The following XPA variants were observed in gnomAD, a reference collection of about 807,000 sequenced individuals.
The protein encoded by XPA is XPA, DNA damage recognition and repair factor.
A neutral mutation model predicts 35.7 loss-of-function variants in XPA; 27 were observed. That is an observed-to-expected ratio of 0.76 (90% CI 0.56 to 1.04). The LOEUF (loss-of-function observed/expected upper bound fraction) is 1.04, where lower values mean the gene tolerates loss of function less well. Ranked by LOEUF, XPA falls within the 50% of genes least tolerant of loss-of-function variation. The pLI is 0.00. For synonymous variants in XPA, 133 were observed against 118.4 expected (o/e 1.12, Z -0.80); for missense variants, 354 against 342.7 (o/e 1.03, Z -0.26).
At chr9:97,689,253 AAAAAAC>A (rs1391176908) in intron 3 of XPA, among the ~76,000 whole-genome samples, 4 of 151,912 alleles carry the variant, frequency 2.6e-5, no homozygotes, top group African/African-American at 9.7e-5. Context: ...GAGAGACGTT[AAAAAAC>A]AAAAACAAAA....
chr9:97,686,989 GA>G, intron 4 of XPA, 106 bp downstream of exon 4: 1 of 1,137,458 alleles, frequency 8.8e-7, no homozygotes, highest in African/African-American at 1.6e-5. Context: ...CAAAACTAGG[GA>G]AAAGAGTTTT....
intron 2 of XPA, among the ~76,000 whole-genome samples, chr9:97,690,304 G>T (rs1423676918): frequency 3.3e-5 from 5 of 152,178 alleles, no homozygotes; most frequent in Non-Finnish European, 7.3e-5. Flanking sequence ...TCCACCTCTC[G>T]GGTTCAAGCG....
chr9:97,656,117 CTT>C, the XPA span: 1 of 1,531,156 alleles, frequency 6.5e-7, no homozygotes, highest in East Asian at 2.3e-5. Context: ...CTTTTAACTT[CTT>C]TGGGAGGATT....
chr9:97,662,291 G>A, the XPA span: 29,467 of 601,650 alleles, frequency 0.049, 4,240 homozygotes, highest in African/African-American at 0.36. Context: ...TGTGGTAGCT[G>A]AAATCCATAT....
At chr9:97,655,925 G>T in the XPA span, 1 of 1,390,026 alleles carries the variant, frequency 7.2e-7, no homozygotes, top group Non-Finnish European at 1.0e-6. Context: ...CTTGTAAGTT[G>T]TTATAAGTTA....
chr9:97,694,420 G>C (rs1828983259), intron 1 of XPA, among the ~76,000 whole-genome samples: 1 of 152,202 alleles, frequency 6.6e-6, no homozygotes, highest in South Asian at 2.1e-4. Context: ...CTCTAAGTCA[G>C]TAAAAGACAA....
the XPA span, chr9:97,664,306 TG>T: frequency 1.5e-6 from 2 of 1,309,824 alleles, no homozygotes; most frequent in Non-Finnish European, 2.2e-6. Context: ...TGTATGTGTG[TG>T]TGTGATTTAC....
chr9:97,664,420 A>T, the XPA span: 7 of 1,610,322 alleles, frequency 4.3e-6, no homozygotes, highest in Non-Finnish European at 5.9e-6. Context: ...TCTTCTCTTC[A>T]GAACTATCTC....
chr9:97,654,752 AT>A, the XPA span: 1 of 831,102 alleles, frequency 1.2e-6, no homozygotes, highest in Non-Finnish European at 1.9e-6. Context: ...AACAAGATTG[AT>A]TGTGTGAAAA....
chr9:97,697,334 G>C lies in XPA; in HGVS notation c.-42C>G. On this transcript the variant is annotated 5_prime_UTR_variant, in exon 1 of 6. Transcript: ENST00000375128. ...GGACCTAGCTCCCAGCTCCACGCAC[G>C]CGCACTGCACGCCGAGGCGAGCCAG... 6.3e-7 allele frequency: 1 copy of C among 1,595,182 alleles called. No individual in the cohort carries two copies. Among genetic ancestry groups the C allele is most frequent in the Non-Finnish European group, 8.5e-7 (1 of 1,178,524 alleles).
chr9:97,664,539 T>A, the XPA span: 1 of 786,828 alleles, frequency 1.3e-6, no homozygotes, highest in Non-Finnish European at 2.0e-6. Context: ...CAAACCAGGT[T>A]GATATTAATA....
intron 5 of XPA, among the ~76,000 whole-genome samples, chr9:97,678,262 A>G (rs1324998372): frequency 1.3e-5 from 2 of 152,212 alleles, no homozygotes; most frequent in Middle Eastern, 3.4e-3. Context: ...TTAGCTGGAC[A>G]TGGTGGCATA....
At chr9:97,682,170 T>C (rs1828564214) in intron 5 of XPA, 1 of 415,022 alleles carries the variant, frequency 2.4e-6, no homozygotes, top group African/African-American at 2.1e-5. Flanking sequence ...GAAGATCATA[T>C]TCTCAAAGCA....
At chr9:97,690,272 A>G (rs747128723) in intron 2 of XPA, among the ~76,000 whole-genome samples, 2 of 152,158 alleles carry the variant, frequency 1.3e-5, no homozygotes, top group Non-Finnish European at 2.9e-5. Flanking sequence ...GTGCAGTGGC[A>G]CGATCTCAGC....
intron 5 of XPA, among the ~76,000 whole-genome samples, chr9:97,679,619 T>C (rs1010495727): frequency 1.2e-4 from 19 of 152,152 alleles, no homozygotes; most frequent in Middle Eastern, 3.4e-3. Flanking sequence ...TTACAGAAAG[T>C]GAAAGAAATA....
the XPA span, chr9:97,655,014 A>C: frequency 7.9e-6 from 10 of 1,264,660 alleles, no homozygotes; most frequent in South Asian, 1.6e-4. Context: ...AAGGAATTTG[A>C]GAAAGACATT....
At chr9:97,691,886 AATATATATATAT>A (rs55944336) in intron 2 of XPA, among the ~76,000 whole-genome samples, 3 of 124,682 alleles carry the variant, frequency 2.4e-5, no homozygotes, top group Admixed American at 8.2e-5. Context: ...TTTCTAAATA[AATATATATATAT>A]ATATATATAT....
chr9:97,690,673 ACTGTACCCAGCC>A (rs1327498612), intron 2 of XPA, among the ~76,000 whole-genome samples: 3 of 152,172 alleles, frequency 2.0e-5, no homozygotes, highest in African/African-American at 7.2e-5. Context: ...GGCATGAGCC[ACTGTACCCAGCC>A]CTAATTTTTG....
chr9:97,693,978 G>T (rs1421867976), intron 1 of XPA, among the ~76,000 whole-genome samples: 1 of 152,200 alleles, frequency 6.6e-6, no homozygotes, highest in Non-Finnish European at 1.5e-5. Flanking sequence ...AAGTAAAACA[G>T]CATCTATTCA....
Sources: gnomAD v4.1 joint callset for allele counts (sites outside exome capture counted in the v4.1 genomes callset) on GRCh38, gnomAD v4.1.1 for gene constraint, MANE v1.5 for transcripts, NCBI Gene and HGNC (gene_info 2026-07-23, HGNC 2026-07-21) for gene names.